Variants in ICA1L observed in about 807,000 individuals in gnomAD.
ICA1L encodes the protein islet cell autoantigen 1-like protein.
ICA1L carries 50 observed loss-of-function variants against 61.3 expected under a neutral mutation model. The observed-to-expected ratio is 0.82, with a 90% CI of 0.65 to 1.03. ICA1L has a LOEUF of 1.03. Ranked by LOEUF, ICA1L falls within the 50% of genes least tolerant of loss-of-function variation. The pLI is 0.00. For missense variants in ICA1L, 508 were observed against 556.7 expected, an observed-to-expected ratio of 0.91 and a Z score of 0.88; for synonymous variants, 161 against 191.3, an observed-to-expected ratio of 0.84 and a Z score of 1.31.
At chr2:202,863,433 T>A (rs1008608550) in intron 1 of ICA1L, among the ~76,000 whole-genome samples, 6 of 151,500 alleles carry the variant, frequency 4.0e-5, no homozygotes, top group African/African-American at 1.5e-4. Flanking sequence ...ATAAGAAAAT[T>A]AAAGTTAAAA....
At chr2:202,795,824 C>T (rs542986980) in intron 10 of ICA1L, among the ~76,000 whole-genome samples, 1 of 152,128 alleles carries the variant, frequency 6.6e-6, no homozygotes, top group African/African-American at 2.4e-5. Context: ...GGGCAGATCA[C>T]TTGAGGCCAG....
At chr2:202,828,487 A>G (rs1574359907) in intron 2 of ICA1L, among the ~76,000 whole-genome samples, 1 of 152,196 alleles carries the variant, frequency 6.6e-6, no homozygotes, top group Admixed American at 6.5e-5. Flanking sequence ...TAATTATTTC[A>G]GTGAGGTATA....
At position 202,774,272 on chromosome 2, in the gene ICA1L, G is replaced by A. The variant is rs1692145149; in HGVS notation, c.*5261C>T. 3.9e-6 allele frequency: 6 copies of A among 1,543,602 alleles called. No homozygotes were observed. The highest frequency in any genetic ancestry group is 1.7e-4 in the Middle Eastern group (1 of 5,730). On this transcript the variant is annotated 3_prime_UTR_variant, in exon 13 of 13. Transcript: ENST00000358299. ...CCTGTCGGCCAAAGGCCGTGACCCC[G>A]ACGCGTGCAGGCACCTACGGGCGAC...
chr2:202,825,708 C>G lies in ICA1L; in HGVS notation c.222G>C (p.Gln74His), dbSNP rs1299776111. The G allele has an allele frequency of 1.3e-6, 2 of 1,529,754 alleles. No individual in the cohort carries two copies. 94.8% of individuals were successfully genotyped at this position (1,529,754 alleles called of 1,614,324 possible). Residue 74 changes from glutamine to histidine, a missense_variant, in exon 3 of 13, where the codon CAG becomes CAC. Gln to His is a conservative substitution (Grantham distance 24). Coordinates refer to ENST00000358299, the MANE Select transcript of ICA1L (RefSeq NM_001288622.3). The stretch of plus-strand genomic sequence containing the variant: ...ATGATTTCATACCATTGAGTCTTAG[C>G]TGGTATTTCTCGATTATCTTCAGAA... ...TELLKIIEKY[Q>H]LRLNVISEEE...
At position 202,833,990 on chromosome 2, in the gene ICA1L, CAAAGGGACT is replaced by C. The variant is rs1184967627; in HGVS notation, c.-7-4983_-7-4975del. ...AGGAGGAGTAAGTTCTATTGTACAACAAAGGGACTATAGTTAATAACAATGTATTATATT... is the reference window on the plus strand; with the variant it reads ...AGGAGGAGTAAGTTCTATTGTACAACATAGTTAATAACAATGTATTATATT... On this transcript the variant is annotated intron_variant, in intron 1 of 12. Transcript: ENST00000358299. Among the ~76,000 whole-genome samples, 8 of 152,162 alleles carry C rather than the reference CAAAGGGACT, an allele frequency of 5.3e-5. No homozygotes were observed. The East Asian group carries it at 1.5e-3, about 29-fold the overall frequency.
intron 1 of ICA1L, among the ~76,000 whole-genome samples, chr2:202,847,493 G>T (rs992631534): frequency 6.6e-6 from 1 of 151,882 alleles, no homozygotes; most frequent in Admixed American, 6.6e-5. Flanking sequence ...TTAGCTGTGG[G>T]ACCTCGTGCA....
chr2:202,860,273 A>G (rs1574386494), intron 1 of ICA1L: 1 of 111,526 alleles, frequency 9.0e-6, no homozygotes, highest in Non-Finnish European at 2.0e-5. Flanking sequence ...CTCTGTCTCA[A>G]AATAATAATA....
intron 1 of ICA1L, among the ~76,000 whole-genome samples, chr2:202,862,238 C>A (rs369806694): frequency 1.6e-5 from 2 of 126,506 alleles, no homozygotes; most frequent in South Asian, 2.5e-4. Context: ...GAGTTTGAGA[C>A]CTGTCTGAGC....
At chr2:202,836,204 T>G (rs1694144094) in intron 1 of ICA1L, among the ~76,000 whole-genome samples, 1 of 152,220 alleles carries the variant, frequency 6.6e-6, no homozygotes, top group South Asian at 2.1e-4. Flanking sequence ...CTACCTCATT[T>G]GTTGAGTGTT....
At chr2:202,782,372 C>T (rs1692434717) in intron 12 of ICA1L, among the ~76,000 whole-genome samples, 1 of 151,406 alleles carries the variant, frequency 6.6e-6, no homozygotes, top group Non-Finnish European at 1.5e-5. Context: ...AACAAAACAT[C>T]AATTTTATTA....
chr2:202,787,022 T>A (rs1441649340), intron 11 of ICA1L, among the ~76,000 whole-genome samples: 4 of 152,202 alleles, frequency 2.6e-5, no homozygotes, highest in Admixed American at 2.0e-4. Flanking sequence ...ACAGGGTTCC[T>A]CAAACACAGA....
rs546910446 is a variant in ICA1L, at chr2:202,791,493, A to G, written c.986-2406T>C. On this transcript the variant is annotated intron_variant, in intron 10 of 12. Coordinates refer to ENST00000358299, the MANE Select transcript of ICA1L (RefSeq NM_001288622.3). Reference sequence around the variant, plus strand: ...AAGATACACGAATGGACAATAGCACATGAAAAGAGTCTCAACACCATCAGT... The same window carrying G: ...AAGATACACGAATGGACAATAGCACGTGAAAAGAGTCTCAACACCATCAGT... Among the ~76,000 whole-genome samples, 276 of 152,360 alleles carry G rather than the reference A, an allele frequency of 1.8e-3. 2 individuals carry two copies. The highest frequency in any genetic ancestry group is 6.8e-3 in the Middle Eastern group (2 of 294).
chr2:202,827,219 C>T (rs1405865740), intron 2 of ICA1L, among the ~76,000 whole-genome samples: 2 of 152,214 alleles, frequency 1.3e-5, no homozygotes, highest in South Asian at 2.1e-4. Flanking sequence ...CATGCTGAAA[C>T]CCTGTCTCTA....
chr2:202,819,750 G>A lies in ICA1L; in HGVS notation c.509C>T (p.Ser170Phe). 1.2e-6 allele frequency: 2 copies of A among 1,614,050 alleles called. No individual in the cohort carries two copies. Among genetic ancestry groups the A allele is most frequent in the African/African-American group, 2.7e-5 (2 of 75,012 alleles). Residue 170 changes from serine to phenylalanine, a missense_variant, in exon 5 of 13, where the codon TCC (serine) becomes TTC (phenylalanine). Ser to Phe is a radical substitution (Grantham distance 155). Coordinates refer to ENST00000358299, the MANE Select transcript of ICA1L (RefSeq NM_001288622.3). ...RGALLWMKDV[S>F]QELDPDTLKQ... is the part of the protein sequence containing the mutation. ...TAAGGTGTCTGGGTCCAGCTCTTGG[G>A]ATACATCTTTCATCCACAGTAGAGC... is the stretch of plus-strand genomic sequence containing the variant.
intron 1 of ICA1L, among the ~76,000 whole-genome samples, chr2:202,838,232 CAT>C (rs1694208833): frequency 6.6e-6 from 1 of 152,174 alleles, no homozygotes; most frequent in Non-Finnish European, 1.5e-5. Context: ...TTAATTTCCA[CAT>C]ATTTGTGAAT....
chr2:202,796,793 G>A, intron 10 of ICA1L, 97 bp downstream of exon 10: 1 of 664,546 alleles, frequency 1.5e-6, no homozygotes, highest in Non-Finnish European at 2.5e-6. Context: ...TTCTTATGTA[G>A]AGACCCAGAC....
intron 10 of ICA1L, among the ~76,000 whole-genome samples, chr2:202,794,802 T>TG (rs970536183): frequency 2.0e-5 from 3 of 151,826 alleles, no homozygotes; most frequent in African/African-American, 7.3e-5. Flanking sequence ...AAAACCTGTA[T>TG]GAAAAAAAAA....
intron 1 of ICA1L, among the ~76,000 whole-genome samples, chr2:202,830,407 A>C (rs1232770362): frequency 6.6e-6 from 1 of 152,104 alleles, no homozygotes; most frequent in East Asian, 1.9e-4. Flanking sequence ...ACTCCGTCTC[A>C]AAAAAAATAA....
chr2:202,785,591 T>G (rs1025924141), intron 12 of ICA1L, among the ~76,000 whole-genome samples: 4 of 152,056 alleles, frequency 2.6e-5, no homozygotes, highest in African/African-American at 7.2e-5. Flanking sequence ...GGCTAATTTT[T>G]TTGTTGTTGT....
Sources: gnomAD v4.1 joint callset for allele counts (sites outside exome capture counted in the v4.1 genomes callset) on GRCh38, gnomAD v4.1.1 for gene constraint, MANE v1.5 for transcripts, NCBI Gene and HGNC (gene_info 2026-07-23, HGNC 2026-07-21) for gene names.